The following CFAP54 variants were observed in gnomAD, a reference collection of about 807,000 sequenced individuals.
The protein encoded by CFAP54 is cilia and flagella associated protein 54.
In CFAP54, 290 loss-of-function variants were observed where a neutral mutation model predicts 370.4. The observed-to-expected ratio is 0.78, with a 90% CI of 0.71 to 0.86. The LOEUF is 0.86. CFAP54 is among the 40% of genes least tolerant of loss of function. The probability of loss-of-function intolerance (pLI) is 0.00; values close to 1 mark genes in which losing one functional copy is unlikely to be tolerated. For missense variants in CFAP54, 3,399 were observed against 3,528.7 expected (o/e 0.96, Z 0.93); for synonymous variants, 1,206 against 1,236.5 (o/e 0.98, Z 0.52).
intron 32 of CFAP54, among the ~76,000 whole-genome samples, chr12:96,639,895 C>T (rs1478986951): frequency 1.3e-5 from 2 of 152,200 alleles, no homozygotes; most frequent in African/African-American, 2.4e-5. Flanking sequence ...TTGCTAAAAA[C>T]TCTCAATAAA....
Position 96,726,789 on chromosome 12 carries a change from T to C in CFAP54, c.6965+6224T>C, listed in dbSNP as rs528886935. Among the ~76,000 whole-genome samples the C allele has an allele frequency of 2.1e-4, 32 of 152,260 alleles. 1 individual carries two copies. The South Asian group carries it at 6.4e-3, about 31-fold the overall frequency. On this transcript the variant is annotated intron_variant, in intron 50 of 67. Coordinates refer to ENST00000524981, the MANE Select transcript of CFAP54 (RefSeq NM_001306084.2). ...TGTTAGGGTGTCAATTTTGGATCTT[T>C]CCTGCTTTCTCTTGTGGGCATTTAG...
intron 66 of CFAP54, among the ~76,000 whole-genome samples, chr12:96,850,008 C>T (rs1156443675): frequency 6.6e-6 from 1 of 152,114 alleles, no homozygotes; most frequent in Non-Finnish European, 1.5e-5. Context: ...AGCAAGCAAA[C>T]ATAAAAGATC....
At chr12:96,647,471 C>CGAAAAAAAA (rs1167008566) in intron 33 of CFAP54, among the ~76,000 whole-genome samples, 2 of 10,688 alleles carry the variant, frequency 1.9e-4, no homozygotes, top group African/African-American at 2.2e-4. Flanking sequence ...AGACTCTGTC[C>CGAAAAAAAA]CAAAAAAAAA....
In CFAP54 at chr12:96,743,753, G is replaced by A; in HGVS notation, c.7400G>A (p.Gly2467Glu). The A allele has an allele frequency of 6.2e-7, 1 of 1,608,548 alleles. No homozygotes were observed. The highest frequency in any genetic ancestry group is 8.5e-7 in the Non-Finnish European group (1 of 1,178,222). The change falls in exon 54 of 68, where the codon GGA becomes GAA. Residue 2467 changes from glycine (G) to glutamate (E), a missense_variant. By Grantham distance (98) the Gly-to-Glu change is moderately conservative (BLOSUM62 -2). This residue lies in a region of CFAP54 where 2,796 missense variants were observed against 2,869.7 expected (regional missense o/e 0.97). Coordinates refer to ENST00000524981, the MANE Select transcript of CFAP54 (RefSeq NM_001306084.2). The stretch of plus-strand genomic sequence containing the variant: ...TAGGATATAATACATTTGCTGGAAG[G>A]AAATGAATTTATTTCTCCTCAATCA... Reference protein sequence around the residue: ...NLQDIIHLLEGNEFISPQSRL... With the variant: ...NLQDIIHLLEENEFISPQSRL...
chr12:96,593,761 C>T (rs1956149092), intron 24 of CFAP54, among the ~76,000 whole-genome samples: 1 of 151,864 alleles, frequency 6.6e-6, no homozygotes, highest in African/African-American at 2.4e-5. Context: ...GCTAACTATT[C>T]TTTTTAAGTG....
At chr12:96,631,635 T>C (rs981134342) in intron 32 of CFAP54, among the ~76,000 whole-genome samples, 1 of 150,344 alleles carries the variant, frequency 6.7e-6, no homozygotes, top group Admixed American at 6.7e-5. Context: ...CATTATTGTA[T>C]ACATATTTCT....
chr12:96,849,953 T>G (rs2136453476), intron 66 of CFAP54, among the ~76,000 whole-genome samples: 2 of 152,256 alleles, frequency 1.3e-5, no homozygotes, highest in Middle Eastern at 6.8e-3. Context: ...AATGGAACCT[T>G]GGTACCCTTT....
rs1957202147 is a variant in CFAP54 at position 96,675,964 on chromosome 12, C to A, written c.5564-3636C>A. 2.0e-5 allele frequency among the ~76,000 whole-genome samples: 3 copies of A among 151,880 alleles called. No individual in the cohort carries two copies. The South Asian group carries it at 6.3e-4, about 32-fold the overall frequency. On this transcript the variant is annotated intron_variant, in intron 39 of 67. Transcript: ENST00000524981. ...GGGGTGGGGGGCAGGGGAGGGATAG[C>A]ATTAGGAGATATACCTAATGCTAAA...
Position 96,699,027 on chromosome 12 carries a change from G to A in CFAP54, c.6352-944G>A, listed in dbSNP as rs1332154895. On this transcript the variant is annotated intron_variant, in intron 45 of 67. Transcript: ENST00000524981. ...CTCACCTCATGTAAATGAAGTGGTA[G>A]CCCACAATCAGTCTGATTGGTTGCA... is the stretch of plus-strand genomic sequence containing the variant. 2.0e-5 allele frequency among the ~76,000 whole-genome samples: 3 copies of A among 152,242 alleles called. No homozygotes were observed. The East Asian group carries it at 5.8e-4, about 29-fold the overall frequency.
chr12:96,825,740 A>C (rs1367578142), intron 65 of CFAP54, among the ~76,000 whole-genome samples: 1 of 126,150 alleles, frequency 7.9e-6, no homozygotes, highest in African/African-American at 3.1e-5. Flanking sequence ...TATAAATATC[A>C]CATTACATAA....
intron 36 of CFAP54, 50 bp from the exon 37 acceptor site, chr12:96,657,832 G>T: frequency 2.4e-6 from 3 of 1,226,590 alleles, no homozygotes; most frequent in Non-Finnish European, 2.3e-6. Flanking sequence ...GAAAAAATAT[G>T]CAGTAAAATC....
chr12:96,758,730 G>A (rs778182480), intron 58 of CFAP54, among the ~76,000 whole-genome samples: 19 of 152,176 alleles, frequency 1.2e-4, no homozygotes, highest in Non-Finnish European at 2.6e-4. Flanking sequence ...TTGCAGAGGG[G>A]TCGCATCTTG....
At chr12:96,561,967 G>A (rs1955821083) in intron 17 of CFAP54, among the ~76,000 whole-genome samples, 1 of 151,724 alleles carries the variant, frequency 6.6e-6, no homozygotes, top group Non-Finnish European at 1.5e-5. Context: ...TGTACTCTTA[G>A]TGGAAATGGG....
chr12:96,820,556 C>CCTAG (rs549743193), intron 65 of CFAP54, among the ~76,000 whole-genome samples: 2 of 152,130 alleles, frequency 1.3e-5, no homozygotes, highest in Non-Finnish European at 2.9e-5. Flanking sequence ...GTGCTCTGTG[C>CCTAG]CTAGGTATAT....
chr12:96,555,022 G>A (rs1955737577), intron 17 of CFAP54: 1 of 346,414 alleles, frequency 2.9e-6, no homozygotes, highest in South Asian at 9.5e-5. Flanking sequence ...TTCTTAAAAA[G>A]TTAATTATGT....
At chr12:96,535,700 A>G (rs1955495046) in intron 12 of CFAP54, 100 bp downstream of exon 12, 2 of 695,292 alleles carry the variant, frequency 2.9e-6, no homozygotes, top group Non-Finnish European at 4.7e-6. Context: ...ACGCCTTGCT[A>G]AAATTTTATT....
chr12:96,665,052 A>G (rs1007348200), intron 39 of CFAP54, among the ~76,000 whole-genome samples: 2 of 149,774 alleles, frequency 1.3e-5, no homozygotes, highest in African/African-American at 2.5e-5. Flanking sequence ...TTTGATTTGC[A>G]TTTCTCCAAT....
At chr12:96,862,581 T>C (rs565476395) in intron 67 of CFAP54, among the ~76,000 whole-genome samples, 3 of 152,132 alleles carry the variant, frequency 2.0e-5, no homozygotes, top group South Asian at 4.1e-4. Flanking sequence ...GAATGCAAGA[T>C]ATAATGAAAG....
intron 6 of CFAP54, among the ~76,000 whole-genome samples, chr12:96,519,299 A>G (rs1955277157): frequency 6.6e-6 from 1 of 152,078 alleles, no homozygotes; most frequent in Non-Finnish European, 1.5e-5. Flanking sequence ...GGGTTTTGCC[A>G]TGTTGATCAG....
Sources: allele counts gnomAD v4.1 joint callset (sites outside exome capture counted in the v4.1 genomes callset), GRCh38; gene constraint gnomAD v4.1.1; regional missense constraint gnomAD v4.1.1; transcripts MANE v1.5; gene names NCBI Gene and HGNC (gene_info 2026-07-23, HGNC 2026-07-21).